PAX2: variants seen among roughly 807,000 people sequenced by gnomAD.
PAX2 encodes paired box 2.
In PAX2, 9 loss-of-function variants were observed where a neutral mutation model predicts 41.7. That is an observed-to-expected ratio of 0.22 (90% CI 0.13 to 0.38). The LOEUF is 0.38. Among genes scored for constraint, PAX2 ranks in the 10% least tolerant of loss-of-function variants. The pLI, the probability that PAX2 is intolerant of heterozygous loss-of-function variation, is 1.00. For synonymous variants in PAX2, 221 were observed against 212.7 expected (o/e 1.04, Z -0.34); for missense variants, 418 against 531.6 (o/e 0.79, Z 2.10).
upstream of PAX2, among the ~76,000 whole-genome samples, chr10:100,740,761 G>C (rs1844924984): frequency 1.0e-5 from 1 of 97,788 alleles, no homozygotes; most frequent in African/African-American, 3.7e-5. Flanking sequence ...TAGGCTGTGG[G>C]GTGAGTGGCC....
intron 7 of PAX2, among the ~76,000 whole-genome samples, chr10:100,814,103 C>T (rs1848099530): frequency 6.6e-6 from 1 of 151,800 alleles, no homozygotes; most frequent in African/African-American, 2.4e-5. Context: ...AATCCCAGCA[C>T]TTTGGGAGGC....
In PAX2 at chr10:100,807,512, C is replaced by T. The variant is rs568838338; in HGVS notation, c.792+907C>T. 6.6e-5 allele frequency among the ~76,000 whole-genome samples: 10 copies of T among 150,668 alleles called. No homozygotes were observed. In the South Asian group the frequency reaches 1.3e-3, roughly 19 times the overall value. ...CACCTGCTCCCCCGACCACAGCCCACGGTACTGTGCTCACACACCACCGCC... is the reference window on the plus strand; with the variant it reads ...CACCTGCTCCCCCGACCACAGCCCATGGTACTGTGCTCACACACCACCGCC... On this transcript the variant is annotated intron_variant, in intron 6 of 9. Transcript: ENST00000355243.
chr10:100,737,552 T>G (rs1252109998), intron 1 of PAX2, among the ~76,000 whole-genome samples: 1 of 152,184 alleles, frequency 6.6e-6, no homozygotes, highest in Non-Finnish European at 1.5e-5. Flanking sequence ...GGGGGGGAGC[T>G]GCGGAGCTGG....
At chr10:100,811,885 C>A (rs11190715) in intron 7 of PAX2, among the ~76,000 whole-genome samples, 2,878 of 152,316 alleles carry the variant, frequency 0.019, 105 homozygotes, top group African/African-American at 0.067. Flanking sequence ...GCTGCGGCTG[C>A]AAACCTTAGG....
At chr10:100,794,735 T>G (rs554753472) in intron 5 of PAX2, among the ~76,000 whole-genome samples, 1 of 152,342 alleles carries the variant, frequency 6.6e-6, no homozygotes, top group African/African-American at 2.4e-5. Context: ...AAGATTACAT[T>G]TGATTTTTTA....
At chr10:100,782,282 G>C (rs572057875) in intron 5 of PAX2, among the ~76,000 whole-genome samples, 1 of 150,804 alleles carries the variant, frequency 6.6e-6, no homozygotes, top group East Asian at 1.9e-4. Context: ...TGAGCATAAA[G>C]GGGTGACCAT....
chr10:100,761,927 T>C (rs907211962), intron 3 of PAX2, among the ~76,000 whole-genome samples: 2 of 152,148 alleles, frequency 1.3e-5, no homozygotes, highest in African/African-American at 4.8e-5. Context: ...TAGGGAGACA[T>C]TATTCTGGTT....
At chr10:100,768,037 G>T (rs1234320474) in intron 3 of PAX2, among the ~76,000 whole-genome samples, 1 of 151,344 alleles carries the variant, frequency 6.6e-6, no homozygotes, top group South Asian at 2.1e-4. Flanking sequence ...AGATACACAG[G>T]TATACAAATG....
intron 3 of PAX2, among the ~76,000 whole-genome samples, chr10:100,766,151 C>T (rs1212185731): frequency 1.3e-5 from 2 of 152,224 alleles, no homozygotes; most frequent in Non-Finnish European, 2.9e-5. Context: ...AGTCCTGGCT[C>T]TAAAACCCAC....
chr10:100,769,512 T>C (rs1846134318), intron 3 of PAX2, among the ~76,000 whole-genome samples: 1 of 151,690 alleles, frequency 6.6e-6, no homozygotes, highest in Admixed American at 6.6e-5. Context: ...CCTATAATCC[T>C]AGCTACTCAG....
chr10:100,764,864 T>C (rs905202389), intron 3 of PAX2, among the ~76,000 whole-genome samples: 3 of 152,156 alleles, frequency 2.0e-5, no homozygotes, highest in Admixed American at 2.0e-4. Flanking sequence ...AAAGTCCTTA[T>C]TTGATGCATT....
At chr10:100,825,288 C>T (rs948543266) in intron 8 of PAX2, among the ~76,000 whole-genome samples, 5 of 152,232 alleles carry the variant, frequency 3.3e-5, no homozygotes, top group South Asian at 2.1e-4. Flanking sequence ...CAGGCTGCGG[C>T]GGGAAGCAGG....
At chr10:100,821,730 A>G (rs1486627014) in intron 7 of PAX2, among the ~76,000 whole-genome samples, 5 of 152,238 alleles carry the variant, frequency 3.3e-5, no homozygotes, top group Non-Finnish European at 7.3e-5. Flanking sequence ...CTTAGATTAT[A>G]AGGAATTCAT....
rs1845281365 is a variant in PAX2, at chr10:100,748,297, G to A, written c.44-1449G>A. On this transcript the variant is annotated intron_variant, in intron 1 of 9. Transcript: ENST00000355243. The surrounding 1 kb of genome is among the most constrained non-coding windows in gnomAD (Gnocchi z 5.0). ...GGTCGGGGTTTGGAGGGAGGGGAGG[G>A]TGAGAAGTGGGGCTAGAGATAGGGA... 1 of 984,790 alleles carries A rather than the reference G, an allele frequency of 1.0e-6. No homozygotes were observed. The highest frequency in any genetic ancestry group is 4.7e-5 in the South Asian group (1 of 21,256). 61.0% of individuals were successfully genotyped at this position (984,790 alleles called of 1,614,324 possible).
Position 100,828,369 on chromosome 10 carries a change from C to T in PAX2, c.*750C>T. On this transcript the variant is annotated 3_prime_UTR_variant, in exon 10 of 10. Coordinates refer to ENST00000355243, the MANE Select transcript of PAX2 (RefSeq NM_000278.5). The surrounding 1 kb of genome is among the most constrained non-coding windows in gnomAD (Gnocchi z 6.5). ...GGACTCTCGGCTCTTCACTGCTCCT[C>T]CTGGCCTGCCTAGTTCCCCAGGGCC... The T allele has an allele frequency of 4.3e-6, 1 of 233,512 alleles. No homozygotes were observed. The highest frequency in any genetic ancestry group is 6.0e-5 in the East Asian group (1 of 16,550). 14.5% of individuals were successfully genotyped at this position (233,512 alleles called of 1,614,324 possible).
chr10:100,799,309 C>T (rs1847455824), intron 5 of PAX2, among the ~76,000 whole-genome samples: 1 of 152,244 alleles, frequency 6.6e-6, no homozygotes, highest in South Asian at 2.1e-4. Context: ...CGGATGAAGA[C>T]TCAGTTTTCC....
rs79892284 is a variant in PAX2 at position 100,812,776 on chromosome 10, C to T, written c.919+3540C>T. ...TCTGGGAGGAGAAGATGAGAACTTA[C>T]TCCAGGATTCCCAAAGTCACTGGGG... On this transcript the variant is annotated intron_variant, in intron 7 of 9. Coordinates refer to ENST00000355243, the MANE Select transcript of PAX2 (RefSeq NM_000278.5). 1.0e-2 allele frequency among the ~76,000 whole-genome samples: 1,516 copies of T among 152,304 alleles called. 24 individuals carry two copies. Among genetic ancestry groups the T allele is most frequent in the South Asian group, 0.044 (214 of 4,824 alleles).
chr10:100,738,094 C>A (rs551772798), intron 1 of PAX2, among the ~76,000 whole-genome samples: 1 of 152,370 alleles, frequency 6.6e-6, no homozygotes, highest in South Asian at 2.1e-4. Flanking sequence ...GGCTCCCTGA[C>A]GCTGGTCCCC....
At chr10:100,780,862 C>T (rs761990666) in intron 4 of PAX2, among the ~76,000 whole-genome samples, 7 of 152,160 alleles carry the variant, frequency 4.6e-5, no homozygotes, top group Non-Finnish European at 1.0e-4. Context: ...AGGGGGTATC[C>T]AAGGAGCTGT....
Sources: allele counts gnomAD v4.1 joint callset (sites outside exome capture counted in the v4.1 genomes callset), GRCh38; gene constraint gnomAD v4.1.1; non-coding constraint Gnocchi (gnomAD v3.1); transcripts MANE v1.5; gene names NCBI Gene and HGNC (gene_info 2026-07-23, HGNC 2026-07-21).